FTO: variants seen among roughly 807,000 people sequenced by gnomAD.
FTO encodes alpha-ketoglutarate-dependent dioxygenase FTO.
In FTO, 47 loss-of-function variants were observed where a neutral mutation model predicts 63.9. That is an observed-to-expected ratio of 0.74 (90% confidence interval 0.58 to 0.94). The LOEUF (loss-of-function observed/expected upper bound fraction) is 0.94, where lower values mean the gene tolerates loss of function less well. Ranked by LOEUF, FTO falls within the 40% of genes least tolerant of loss-of-function variation. FTO has a pLI of 0.00. For synonymous variants in FTO, 207 were observed against 224.4 expected, an observed-to-expected ratio of 0.92 and a Z score of 0.69; for missense variants, 562 against 618.1, an observed-to-expected ratio of 0.91 and a Z score of 0.96.
intron 7 of FTO, chr16:53,911,518 G>A: frequency 2.8e-6 from 2 of 702,658 alleles, no homozygotes; most frequent in East Asian, 2.7e-5. Context: ...GGGAAGATAG[G>A]TGAATCTATA....
chr16:53,941,510 A>G (rs988660400), intron 8 of FTO, among the ~76,000 whole-genome samples: 2 of 152,214 alleles, frequency 1.3e-5, no homozygotes, highest in African/African-American at 4.8e-5. Flanking sequence ...CCAGAATGAA[A>G]GTTTTATGAG....
intron 1 of FTO, among the ~76,000 whole-genome samples, chr16:53,737,380 G>A (rs2076413885): frequency 1.3e-5 from 2 of 152,088 alleles, no homozygotes; most frequent in African/African-American, 4.8e-5. Flanking sequence ...CACAAACCTA[G>A]ATATGGTATA....
At chr16:54,061,083 C>G (rs2085558094) in intron 8 of FTO, among the ~76,000 whole-genome samples, 1 of 152,180 alleles carries the variant, frequency 6.6e-6, no homozygotes, top group South Asian at 2.1e-4. Flanking sequence ...CAAAATGGAG[C>G]TCTCGGAATC....
intron 1 of FTO, among the ~76,000 whole-genome samples, chr16:53,727,349 C>T (rs554409109): frequency 6.6e-6 from 1 of 152,252 alleles, no homozygotes; most frequent in Non-Finnish European, 1.5e-5. Context: ...ACTTTGGTCT[C>T]TATGTAGTGT....
At chr16:54,051,080 CAT>C (rs200733767) in intron 8 of FTO, among the ~76,000 whole-genome samples, 233 of 152,282 alleles carry the variant, frequency 1.5e-3, no homozygotes, top group African/African-American at 5.2e-3. Context: ...ATAATGTTGA[CAT>C]AAAGTTTTCT....
intron 1 of FTO, among the ~76,000 whole-genome samples, chr16:53,709,459 G>A (rs1040440970): frequency 6.6e-6 from 1 of 152,132 alleles, no homozygotes. Flanking sequence ...AGTTTCTCCA[G>A]TCATTAATGA....
chr16:54,106,779 G>A (rs1331335417), intron 8 of FTO, among the ~76,000 whole-genome samples: 37 of 132,868 alleles, frequency 2.8e-4, no homozygotes, highest in African/African-American at 1.0e-3. Context: ...ACATATAATT[G>A]TATATTTTAA....
At chr16:53,887,796 T>C (rs897901983) in intron 6 of FTO, 5 of 152,182 alleles carry the variant, frequency 3.3e-5, no homozygotes, top group African/African-American at 1.2e-4. Context: ...TTTTAACCTA[T>C]TGTCACCTGC....
At position 53,826,204 on chromosome 16, in the gene FTO, A is replaced by T; in HGVS notation, c.464A>T (p.Glu155Val). The T allele has an allele frequency of 1.2e-6, 2 of 1,614,160 alleles. No individual in the cohort carries two copies. Among genetic ancestry groups the T allele is most frequent in the Non-Finnish European group, 1.7e-6 (2 of 1,180,020 alleles). The change falls in exon 3 of 9, where the codon GAA (glutamate) becomes GTA (valine). Residue 155 changes from glutamate to valine, a missense_variant. Transcript: ENST00000471389. ...YLQIETIQAL[E>V]ELAAKEKANE... ...CAGATAGAAACCATCCAGGCTTTGG[A>T]AGAACTTGCTGCCAAAGAGAAGGCT...
intron 2 of FTO, among the ~76,000 whole-genome samples, chr16:53,817,875 A>G (rs2078741962): frequency 6.6e-6 from 1 of 152,228 alleles, no homozygotes; most frequent in South Asian, 2.1e-4. Context: ...TTATTAAACT[A>G]TATAATCATC....
At chr16:53,891,713 G>T (rs1395312098) in intron 7 of FTO, among the ~76,000 whole-genome samples, 1 of 152,180 alleles carries the variant, frequency 6.6e-6, no homozygotes, top group Non-Finnish European at 1.5e-5. Context: ...GAGCTTACAA[G>T]TGATATTCAT....
chr16:53,966,077 A>G (rs997670286), intron 8 of FTO, among the ~76,000 whole-genome samples: 1 of 152,178 alleles, frequency 6.6e-6, no homozygotes. Context: ...CATGTTGGCC[A>G]GGCTGATCTC....
chr16:53,900,881 GT>G (rs2081388976), intron 7 of FTO, among the ~76,000 whole-genome samples: 1 of 152,084 alleles, frequency 6.6e-6, no homozygotes. Context: ...ATGGAGTTTG[GT>G]TTGTGTGAGT....
intron 8 of FTO, among the ~76,000 whole-genome samples, chr16:54,053,115 A>G (rs1252703766): frequency 6.6e-6 from 1 of 152,198 alleles, no homozygotes; most frequent in African/African-American, 2.4e-5. Flanking sequence ...TTTTACAGAG[A>G]TGAAACCATC....
At chr16:54,054,584 G>A (rs549292976) in intron 8 of FTO, 3 of 152,242 alleles carry the variant, frequency 2.0e-5, no homozygotes, top group African/African-American at 7.2e-5. Context: ...TGTGTTTTTG[G>A]CCATCAAAAC....
At chr16:53,852,101 C>CAAAACAAAAAAAA (rs2079818474) in intron 4 of FTO, among the ~76,000 whole-genome samples, 1 of 54,444 alleles carries the variant, frequency 1.8e-5, no homozygotes, top group African/African-American at 5.9e-5. Flanking sequence ...ACAAAAAATA[C>CAAAACAAAAAAAA]AAAAAAAAAA....
intron 2 of FTO, among the ~76,000 whole-genome samples, chr16:53,825,636 G>T (rs1800832924): frequency 6.6e-6 from 1 of 152,098 alleles, no homozygotes; most frequent in Admixed American, 6.6e-5. Flanking sequence ...TTTTATTAAA[G>T]ATTGTTAGTA....
intron 5 of FTO, among the ~76,000 whole-genome samples, chr16:53,879,479 C>T (rs2080760548): frequency 6.6e-6 from 1 of 151,908 alleles, no homozygotes; most frequent in Non-Finnish European, 1.5e-5. Context: ...AGTTTGAGAC[C>T]AGCTTGGATA....
chr16:54,078,250 T>C (rs753908433), intron 8 of FTO, among the ~76,000 whole-genome samples: 13 of 151,268 alleles, frequency 8.6e-5, no homozygotes, highest in Non-Finnish European at 1.6e-4. Flanking sequence ...TATATGTATA[T>C]GTAAACTTAT....
Sources: allele counts gnomAD v4.1 joint callset (sites outside exome capture counted in the v4.1 genomes callset), GRCh38; gene constraint gnomAD v4.1.1; transcripts MANE v1.5; gene names NCBI Gene and HGNC (gene_info 2026-07-23, HGNC 2026-07-21).